CEP112: variants seen among roughly 807,000 people sequenced by gnomAD.
The protein encoded by CEP112 is centrosomal protein of 112 kDa.
In CEP112, 127 loss-of-function variants were observed where a neutral mutation model predicts 153.0. The ratio of observed to expected loss-of-function variants is 0.83; its 90% CI spans 0.72 to 0.96. The LOEUF (loss-of-function observed/expected upper bound fraction) is 0.96. CEP112 is among the 40% of genes least tolerant of loss of function. CEP112 has a pLI of 0.00. For synonymous variants in CEP112, 358 were observed against 374.4 expected, an observed-to-expected ratio of 0.96 and a Z score of 0.51; for missense variants, 1,089 against 1,101.2, an observed-to-expected ratio of 0.99 and a Z score of 0.16.
chr17:66,053,665 C>T (rs889095366), intron 12 of CEP112, 71 bp downstream of exon 12: 3 of 1,477,196 alleles, frequency 2.0e-6, no homozygotes, highest in Non-Finnish European at 1.9e-6. Context: ...CTGTGCACAT[C>T]AGGGAAACAT....
chr17:66,144,997 G>A (rs2070862262), intron 4 of CEP112, among the ~76,000 whole-genome samples: 1 of 152,156 alleles, frequency 6.6e-6, no homozygotes, highest in African/African-American at 2.4e-5. Context: ...AACAGTGTAT[G>A]AGACTTTCAG....
At chr17:66,139,807 C>T (rs1341988688) in intron 4 of CEP112, among the ~76,000 whole-genome samples, 3 of 152,054 alleles carry the variant, frequency 2.0e-5, no homozygotes, top group Admixed American at 1.3e-4. Context: ...ATCTCCCAAC[C>T]AAGAAAAGCC....
chr17:65,995,415 G>A (rs1487584245), intron 17 of CEP112, among the ~76,000 whole-genome samples: 1 of 152,140 alleles, frequency 6.6e-6, no homozygotes, highest in Non-Finnish European at 1.5e-5. Context: ...AAATAGAAGA[G>A]GGTACACCTA....
intron 8 of CEP112, among the ~76,000 whole-genome samples, chr17:66,089,136 GCCCACCAATAGGCCAAACAGCC>G (rs1358813194): frequency 6.6e-6 from 1 of 152,136 alleles, no homozygotes; most frequent in African/African-American, 2.4e-5. Flanking sequence ...GTAGGAGAGA[GCCCACCAATAGGCCAAACAGCC>G]TGCCCAGAAT....
At chr17:66,131,585 C>A (rs543620433) in intron 5 of CEP112, among the ~76,000 whole-genome samples, 2 of 151,794 alleles carry the variant, frequency 1.3e-5, no homozygotes, top group East Asian at 2.0e-4. Context: ...ACTAAAAATA[C>A]AAAAAATTAG....
intron 23 of CEP112, among the ~76,000 whole-genome samples, chr17:65,689,894 G>A (rs2048011594): frequency 6.6e-6 from 1 of 152,054 alleles, no homozygotes; most frequent in Non-Finnish European, 1.5e-5. Flanking sequence ...TAGTTTCCAT[G>A]TGCTATTTCT....
intron 19 of CEP112, among the ~76,000 whole-genome samples, chr17:65,905,561 A>G (rs1310514122): frequency 6.6e-6 from 1 of 152,210 alleles, no homozygotes; most frequent in Non-Finnish European, 1.5e-5. Context: ...AAGAATCTAG[A>G]AACAGAAATA....
At chr17:65,861,220 T>C (rs2058301157) in intron 20 of CEP112, among the ~76,000 whole-genome samples, 1 of 152,196 alleles carries the variant, frequency 6.6e-6, no homozygotes, top group Non-Finnish European at 1.5e-5. Context: ...TGGTACAGTG[T>C]AAATAGGTGA....
chr17:66,100,072 A>AT (rs755705963), intron 6 of CEP112, among the ~76,000 whole-genome samples: 3 of 152,174 alleles, frequency 2.0e-5, no homozygotes, highest in Non-Finnish European at 4.4e-5. Context: ...GGAAAAAAAA[A>AT]CATGGAAGAG....
intron 23 of CEP112, among the ~76,000 whole-genome samples, chr17:65,719,072 A>C (rs1234886402): frequency 2.0e-5 from 3 of 152,234 alleles, no homozygotes; most frequent in African/African-American, 7.2e-5. Flanking sequence ...TGAAGAAAGA[A>C]AGTGCTTTCT....
chr17:65,727,062 C>T (rs770297596), intron 23 of CEP112, among the ~76,000 whole-genome samples: 5 of 152,186 alleles, frequency 3.3e-5, no homozygotes, highest in African/African-American at 4.8e-5. Context: ...GTAGATAAGA[C>T]CATACTGCCC....
chr17:66,152,239 A>G (rs1264043922), intron 4 of CEP112, among the ~76,000 whole-genome samples: 2 of 152,164 alleles, frequency 1.3e-5, no homozygotes, highest in Non-Finnish European at 2.9e-5. Context: ...GGGGCTCAAG[A>G]GGAAGTAAGA....
Position 66,029,907 on chromosome 17 carries a change from G to A in CEP112, c.1335C>T (p.Tyr445=), listed in dbSNP as rs767882363. ...CTTGTAATTCACTACACGTTATCTG[G>A]TAACATCTTTCAAGTTCTGCTTTTT... The part of the protein sequence containing the change: ...IQEKAELERC[Y]QITCSELQEV... The change falls in exon 13 of 27, where the codon TAC becomes TAT. Residue 445 remains tyrosine (Y), a synonymous_variant. Coordinates refer to ENST00000535342, the MANE Select transcript of CEP112 (RefSeq NM_001199165.4). 2 of 1,613,466 alleles carry A rather than the reference G, an allele frequency of 1.2e-6. No individual in the cohort carries two copies. Among genetic ancestry groups the A allele is most frequent in the African/African-American group, 2.7e-5 (2 of 74,840 alleles).
At chr17:65,705,035 C>G (rs2023945) in intron 23 of CEP112, among the ~76,000 whole-genome samples, 3,342 of 152,260 alleles carry the variant, frequency 0.022, 79 homozygotes, top group East Asian at 0.1. Flanking sequence ...TTAGAGTCAG[C>G]CTTTCAGTTT....
At chr17:65,739,572 C>T (rs1031401680) in intron 23 of CEP112, among the ~76,000 whole-genome samples, 14 of 151,970 alleles carry the variant, frequency 9.2e-5, no homozygotes, top group African/African-American at 3.4e-4. Context: ...CCCATCTCTA[C>T]TAAAAATACA....
At chr17:66,142,816 T>C (rs192071212) in intron 4 of CEP112, among the ~76,000 whole-genome samples, 20 of 152,346 alleles carry the variant, frequency 1.3e-4, no homozygotes, top group African/African-American at 3.8e-4. Flanking sequence ...TTGCTCAAGA[T>C]TGCTTTGGCT....
chr17:66,074,381 T>C (rs1233058881), intron 8 of CEP112, among the ~76,000 whole-genome samples: 1 of 152,118 alleles, frequency 6.6e-6, no homozygotes, highest in Non-Finnish European at 1.5e-5. Context: ...TACATGTAAT[T>C]GGGGTTCCTA....
intron 16 of CEP112, among the ~76,000 whole-genome samples, chr17:66,013,252 A>T (rs906995567): frequency 6.6e-6 from 1 of 152,142 alleles, no homozygotes; most frequent in African/African-American, 2.4e-5. Flanking sequence ...CCATTGCTGG[A>T]GAACTAGTGT....
At chr17:65,810,355 G>A (rs2055875693) in intron 21 of CEP112, among the ~76,000 whole-genome samples, 1 of 151,834 alleles carries the variant, frequency 6.6e-6, no homozygotes, top group Non-Finnish European at 1.5e-5. Context: ...GTCTAGTTCT[G>A]GCTAATGGGC....
Sources: gnomAD v4.1 joint callset for allele counts (sites outside exome capture counted in the v4.1 genomes callset) on GRCh38, gnomAD v4.1.1 for gene constraint, MANE v1.5 for transcripts, NCBI Gene and HGNC (gene_info 2026-07-23, HGNC 2026-07-21) for gene names.